DLGAP1: variants seen among roughly 807,000 people sequenced by gnomAD.
DLGAP1 encodes DLG associated protein 1.
Under a neutral mutation model 90.8 loss-of-function variants are expected in DLGAP1, and 11 were observed. The ratio of observed to expected loss-of-function variants is 0.12; its 90% CI spans 0.08 to 0.20. The LOEUF (loss-of-function observed/expected upper bound fraction) is 0.20. DLGAP1 is among the 10% of genes least tolerant of loss of function. The pLI is 1.00. For missense variants in DLGAP1, 1,050 were observed against 1,333.8 expected, an observed-to-expected ratio of 0.79 and a Z score of 3.31; for synonymous variants, 558 against 540.7, an observed-to-expected ratio of 1.03 and a Z score of -0.44.
At chr18:3,878,744 CG>C (rs1299188237) in intron 4 of DLGAP1, among the ~76,000 whole-genome samples, 1 of 152,174 alleles carries the variant, frequency 6.6e-6, no homozygotes, top group Non-Finnish European at 1.5e-5. Flanking sequence ...ACGATCGTCA[CG>C]TATTTTTGAA....
chr18:4,234,124 T>G (rs1374102437), intron 1 of DLGAP1, among the ~76,000 whole-genome samples: 1 of 151,642 alleles, frequency 6.6e-6, no homozygotes, highest in Non-Finnish European at 1.5e-5. Flanking sequence ...TTTTTTAGTT[T>G]CTTGGATGGA....
intron 2 of DLGAP1, among the ~76,000 whole-genome samples, chr18:4,011,139 G>A (rs1056748654): frequency 7.1e-6 from 1 of 139,922 alleles, no homozygotes; most frequent in African/African-American, 2.7e-5. Flanking sequence ...TGGCGTCATT[G>A]CACTCTAGCC....
intron 5 of DLGAP1, among the ~76,000 whole-genome samples, chr18:3,763,209 A>T (rs550180363): frequency 6.6e-6 from 1 of 152,326 alleles, no homozygotes; most frequent in Non-Finnish European, 1.5e-5. Flanking sequence ...AAGAACGTGG[A>T]AAGACTAGAC....
intron 7 of DLGAP1, among the ~76,000 whole-genome samples, chr18:3,637,900 T>C (rs939268612): frequency 6.6e-6 from 1 of 151,554 alleles, no homozygotes; most frequent in Admixed American, 6.6e-5. Context: ...CATAACTCTA[T>C]GGTTTGTTGC....
intron 1 of DLGAP1, among the ~76,000 whole-genome samples, chr18:4,393,190 T>C (rs998328480): frequency 6.6e-6 from 1 of 152,092 alleles, no homozygotes; most frequent in African/African-American, 2.4e-5. Flanking sequence ...TAAAATAGAA[T>C]AAATAAAATA....
At chr18:3,940,830 C>T (rs768400492) in intron 3 of DLGAP1, among the ~76,000 whole-genome samples, 1 of 152,130 alleles carries the variant, frequency 6.6e-6, no homozygotes, top group African/African-American at 2.4e-5. Context: ...TCTTTACAAC[C>T]TTTTAAGAGA....
At chr18:3,922,038 G>T (rs2072279464) in intron 3 of DLGAP1, among the ~76,000 whole-genome samples, 1 of 152,056 alleles carries the variant, frequency 6.6e-6, no homozygotes, top group Non-Finnish European at 1.5e-5. Flanking sequence ...AGGCAGAAGG[G>T]CTCCTGCAGG....
At chr18:4,368,361 G>C (rs2144178691) in intron 1 of DLGAP1, among the ~76,000 whole-genome samples, 1 of 152,208 alleles carries the variant, frequency 6.6e-6, no homozygotes, top group Middle Eastern at 3.4e-3. Context: ...GTGAAGGTAG[G>C]CTTTTTTATA....
At chr18:4,361,304 C>T (rs1005861172) in intron 1 of DLGAP1, among the ~76,000 whole-genome samples, 2 of 152,070 alleles carry the variant, frequency 1.3e-5, no homozygotes, top group African/African-American at 4.8e-5. Flanking sequence ...ATAGCCAAAA[C>T]AGTACCTAAA....
chr18:4,127,662 T>A (rs369920354), intron 2 of DLGAP1, among the ~76,000 whole-genome samples: 1 of 152,156 alleles, frequency 6.6e-6, no homozygotes, highest in African/African-American at 2.4e-5. Flanking sequence ...GAATCATACA[T>A]TTGCTACAAA....
chr18:4,154,085 C>A (rs771433744), intron 1 of DLGAP1, among the ~76,000 whole-genome samples: 1 of 152,080 alleles, frequency 6.6e-6, no homozygotes, highest in Admixed American at 6.6e-5. Context: ...GATAAAGAGA[C>A]GGAATCTTGC....
At chr18:4,326,853 G>A (rs935798223) in intron 1 of DLGAP1, among the ~76,000 whole-genome samples, 2 of 152,086 alleles carry the variant, frequency 1.3e-5, no homozygotes, top group African/African-American at 2.4e-5. Context: ...CTACTTGAGG[G>A]TGAAGCGTAG....
At chr18:4,308,531 G>A (rs1349662037) in intron 1 of DLGAP1, among the ~76,000 whole-genome samples, 2 of 152,092 alleles carry the variant, frequency 1.3e-5, no homozygotes, top group Non-Finnish European at 2.9e-5. Context: ...AATTATTTTT[G>A]TACCATACGT....
At chr18:3,780,051 G>C (rs939733122) in intron 5 of DLGAP1, among the ~76,000 whole-genome samples, 26 of 152,046 alleles carry the variant, frequency 1.7e-4, no homozygotes, top group African/African-American at 6.3e-4. Context: ...GCCTCCCAAA[G>C]TGCTGGGATT....
chr18:3,863,156 T>C (rs966320729), intron 4 of DLGAP1, among the ~76,000 whole-genome samples: 2 of 152,250 alleles, frequency 1.3e-5, no homozygotes, highest in Non-Finnish European at 2.9e-5. Context: ...AACTGGATTT[T>C]TATTTTTTTC....
chr18:4,141,267 G>A (rs182774037), intron 2 of DLGAP1, among the ~76,000 whole-genome samples: 40 of 151,884 alleles, frequency 2.6e-4, no homozygotes, highest in African/African-American at 8.4e-4. Context: ...AATTTATTAG[G>A]TGAAAATAAG....
intron 1 of DLGAP1, among the ~76,000 whole-genome samples, chr18:4,177,964 T>A (rs1213110668): frequency 6.6e-6 from 1 of 152,040 alleles, no homozygotes; most frequent in Admixed American, 6.6e-5. Context: ...CTAATTATTT[T>A]ACCTTTAACT....
At chr18:3,657,081 G>A (rs569967877) in intron 7 of DLGAP1, among the ~76,000 whole-genome samples, 1 of 152,130 alleles carries the variant, frequency 6.6e-6, no homozygotes, top group Non-Finnish European at 1.5e-5. Context: ...ACCAAACTAA[G>A]ATAAATTAGA....
At chr18:3,842,563 G>A (rs993746211) in intron 4 of DLGAP1, among the ~76,000 whole-genome samples, 2 of 151,778 alleles carry the variant, frequency 1.3e-5, no homozygotes, top group Non-Finnish European at 2.9e-5. Context: ...GGCGAGAAGT[G>A]GACAGAAATA....
Sources: gnomAD v4.1 joint callset for allele counts (sites outside exome capture counted in the v4.1 genomes callset) on GRCh38, gnomAD v4.1.1 for gene constraint, MANE v1.5 for transcripts, NCBI Gene and HGNC (gene_info 2026-07-23, HGNC 2026-07-21) for gene names.